ARPIN: variants seen among roughly 807,000 people sequenced by gnomAD.
The protein encoded by ARPIN is UPF0552 protein C15orf38.
ARPIN carries 23 observed loss-of-function variants against 25.9 expected under a neutral mutation model. The ratio of observed to expected loss-of-function variants is 0.89; its 90% CI spans 0.64 to 1.26. ARPIN has a LOEUF of 1.26. ARPIN is among the 50% of genes most tolerant of loss of function. The pLI is 0.00. For synonymous variants in ARPIN, 126 were observed against 131.4 expected, an observed-to-expected ratio of 0.96 and a Z score of 0.28; for missense variants, 333 against 312.2, an observed-to-expected ratio of 1.07 and a Z score of -0.50.
At position 89,901,685 on chromosome 15, in the gene ARPIN, C is replaced by A; in HGVS notation, c.*110G>T. The stretch of plus-strand genomic sequence containing the variant: ...TTCCAAGGTGGCTATGGGGAAGAAC[C>A]AGGTAAGACTTGGCAGACTGTTCTC... On this transcript the variant is annotated 3_prime_UTR_variant, in exon 6 of 6. Transcript: ENST00000357484. The A allele has an allele frequency of 7.4e-7, 1 of 1,348,006 alleles. No homozygotes were observed. Among genetic ancestry groups the A allele is most frequent in the South Asian group, 1.2e-5 (1 of 81,942 alleles). The allele number at this position is 1,348,006 out of a possible 1,614,324, so 83.5% of individuals were successfully genotyped here.
chr15:89,907,137 C>T lies in ARPIN; in HGVS notation c.301+1143G>A, dbSNP rs1338940572. Among the ~76,000 whole-genome samples, 7 of 151,460 alleles carry T rather than the reference C, an allele frequency of 4.6e-5. No homozygotes were observed. In the East Asian group the frequency reaches 5.9e-4, roughly 13 times the overall value. Reference sequence around the variant, plus strand: ...AGGCTGGAGTGCAGTGGTGCAATCTCGGCTCACTGCACCTCCACCTCCTGG... The same window carrying T: ...AGGCTGGAGTGCAGTGGTGCAATCTTGGCTCACTGCACCTCCACCTCCTGG... On this transcript the variant is annotated intron_variant, in intron 3 of 5. Transcript: ENST00000357484.
intron 3 of ARPIN, among the ~76,000 whole-genome samples, chr15:89,907,165 T>G (rs1897135746): frequency 1.3e-5 from 2 of 151,606 alleles, no homozygotes; most frequent in African/African-American, 4.8e-5. Context: ...CCTCCTGGGT[T>G]CAAGTGATTC....
Position 89,910,596 on chromosome 15 carries a change from A to C in ARPIN, c.168+148T>G, listed in dbSNP as rs964493592. ...CAGCTGGTGGTCCCATTTGGCTATA[A>C]ATCTCCTGACCTACTTCCCACTTGC... is the stretch of plus-strand genomic sequence containing the variant. On this transcript the variant is annotated intron_variant, in intron 2 of 5. Transcript: ENST00000357484. The C allele has an allele frequency of 7.7e-6, 7 of 909,506 alleles. No individual in the cohort carries two copies. In the African/African-American group the frequency reaches 1.2e-4, roughly 15 times the overall value. 56.3% of individuals were successfully genotyped at this position (909,506 alleles called of 1,614,324 possible). A position where few individuals can be genotyped will look rare whatever the true frequency, so the allele number is the denominator to read the frequency against.
At chr15:89,912,709 G>C in intron 1 of ARPIN, 35 bp downstream of exon 1, 1 of 1,205,854 alleles carries the variant, frequency 8.3e-7, no homozygotes, top group Non-Finnish European at 1.0e-6. Context: ...GCCGGGGCAG[G>C]GGAGGCCGAC....
intron 2 of ARPIN, among the ~76,000 whole-genome samples, chr15:89,910,275 G>A (rs1352602030): frequency 1.3e-5 from 2 of 152,220 alleles, no homozygotes; most frequent in East Asian, 1.9e-4. Flanking sequence ...GTGGAAAGTC[G>A]GAACTAGCGC....
chr15:89,908,754 C>T (rs1300296996), intron 2 of ARPIN, among the ~76,000 whole-genome samples: 1 of 151,972 alleles, frequency 6.6e-6, no homozygotes, highest in African/African-American at 2.4e-5. Flanking sequence ...GAGGCAGTGG[C>T]GAGTGGATCA....
rs183812585 is a variant in ARPIN, at chr15:89,908,036, T to C, written c.301+244A>G. Among the ~76,000 whole-genome samples, 355 of 152,076 alleles carry C rather than the reference T, an allele frequency of 2.3e-3. 1 individual carries two copies. The highest frequency in any genetic ancestry group is 8.0e-3 in the African/African-American group (330 of 41,452). On this transcript the variant is annotated intron_variant, in intron 3 of 5. Transcript: ENST00000357484. ...CAGGTTTGTGGGTGATTCTGCCAGA[T>C]ACAGGAAATGGCAGGAGGTGGGAAG...
rs1214382768 is a variant in ARPIN at position 89,912,895 on chromosome 15, CG to C, written c.-61del. On this transcript the variant is annotated 5_prime_UTR_variant, in exon 1 of 6. Transcript: ENST00000357484. The stretch of plus-strand genomic sequence containing the variant: ...GGCGCACTGGGCTGGGGGCGCGGCG[CG>C]GGAAGTGCTGCAGGACGCGCGGGGA... 2.7e-6 allele frequency: 4 copies of C among 1,460,994 alleles called. No homozygotes were observed. The highest frequency in any genetic ancestry group is 3.6e-6 in the Non-Finnish European group (4 of 1,113,452). The allele number at this position is 1,460,994 out of a possible 1,614,324, so 90.5% of individuals were successfully genotyped here. A position where few individuals can be genotyped will look rare whatever the true frequency, so the allele number is the denominator to read the frequency against.
intron 2 of ARPIN, among the ~76,000 whole-genome samples, chr15:89,909,967 C>G (rs1897194481): frequency 6.6e-6 from 1 of 152,192 alleles, no homozygotes; most frequent in South Asian, 2.1e-4. Context: ...ATGAGGCAAG[C>G]AAGCCCCACA....
At chr15:89,910,261 G>A (rs922888419) in intron 2 of ARPIN, among the ~76,000 whole-genome samples, 1 of 152,272 alleles carries the variant, frequency 6.6e-6, no homozygotes, top group South Asian at 2.1e-4. Flanking sequence ...TATTTGAAGG[G>A]GGAGTGGAAA....
intron 1 of ARPIN, 82 bp downstream of exon 1, chr15:89,912,662 A>AGGGGGGGGCC: frequency 3.0e-6 from 2 of 661,662 alleles, no homozygotes; most frequent in East Asian, 1.3e-4. Context: ...CCCCACCCGC[A>AGGGGGGGGCC]TCCCACCCCC....
Position 89,910,798 on chromosome 15 carries a change from C to A in ARPIN, c.114G>T (p.Glu38Asp). The change falls in exon 2 of 6, where the codon GAG becomes GAT. Residue 38 changes from glutamate (E) to aspartate (D), a missense_variant. By Grantham distance (45) the Glu-to-Asp change is conservative. Transcript: ENST00000357484. ...GCCGAGATACATCGATCAGTTCTCCCTCCAGCAGGACACCATTTCCCCTGG... is the reference window on the plus strand; with the variant it reads ...GCCGAGATACATCGATCAGTTCTCCATCCAGCAGGACACCATTTCCCCTGG... ...AHQGGNGVLLEGELIDVSRHS... is the reference protein window; with the variant it reads ...AHQGGNGVLLDGELIDVSRHS... The A allele has an allele frequency of 6.2e-7, 1 of 1,614,140 alleles. No homozygotes were observed. The highest frequency in any genetic ancestry group is 8.5e-7 in the Non-Finnish European group (1 of 1,180,008).
Position 89,903,298 on chromosome 15 carries a change from T to C in ARPIN, c.590A>G (p.Asp197Gly). ...GDGKTGASWT[D>G]NIMAQKCSKG... ...CGAACACTTTTGGGCCATGATGTTG[T>C]CTGTCCAGGATGCCCCTGTCTTTCC... The change falls in exon 5 of 6, where the codon GAC (aspartate) becomes GGC (glycine). Residue 197 changes from aspartate to glycine, a missense_variant. Physicochemically the swap from Asp to Gly is moderately conservative, Grantham distance 94 (BLOSUM62 -1). Transcript: ENST00000357484. 2 of 1,614,228 alleles carry C rather than the reference T, an allele frequency of 1.2e-6. No individual in the cohort carries two copies. Among genetic ancestry groups the C allele is most frequent in the Non-Finnish European group, 1.7e-6 (2 of 1,180,036 alleles).
chr15:89,908,937 C>T (rs1369310334), intron 2 of ARPIN, among the ~76,000 whole-genome samples: 1 of 152,106 alleles, frequency 6.6e-6, no homozygotes, highest in Non-Finnish European at 1.5e-5. Context: ...AAGCCGAGAT[C>T]CTGCCACTGT....
In ARPIN at chr15:89,912,883, G is replaced by GGGGGCGCGGCGCGGGAAGTGCTGC. The variant is rs1422932667; in HGVS notation, c.-72_-49dup. 234 of 1,478,366 alleles carry GGGGGCGCGGCGCGGGAAGTGCTGC rather than the reference G, an allele frequency of 1.6e-4. No individual in the cohort carries two copies. The highest frequency in any genetic ancestry group is 1.9e-4 in the Non-Finnish European group (217 of 1,121,394). 91.6% of individuals were successfully genotyped at this position (1,478,366 alleles called of 1,614,324 possible). ...CGGCACAGAGCCGGCGCACTGGGCT[G>GGGGGCGCGGCGCGGGAAGTGCTGC]GGGGCGCGGCGCGGGAAGTGCTGCA... On this transcript the variant is annotated 5_prime_UTR_variant, in exon 1 of 6. Coordinates refer to ENST00000357484, the MANE Select transcript of ARPIN (RefSeq NM_182616.4).
In ARPIN at chr15:89,908,261, G is replaced by C; in HGVS notation, c.301+19C>G. On this transcript the variant is annotated intron_variant, in intron 3 of 5. Transcript: ENST00000357484. ...GCAGGAGGGCCCTGAGGGAGAGAGG[G>C]AGGGCAGAGGATACCTACTGTAGGA... The C allele has an allele frequency of 1.2e-6, 2 of 1,613,846 alleles. No homozygotes were observed. The highest frequency in any genetic ancestry group is 1.7e-6 in the Non-Finnish European group (2 of 1,179,810).
chr15:89,905,116 A>C (rs1423094590), intron 3 of ARPIN, among the ~76,000 whole-genome samples: 1 of 150,308 alleles, frequency 6.7e-6, no homozygotes, highest in Non-Finnish European at 1.5e-5. Context: ...CTACCTCCTG[A>C]GTTTGAGCAA....
At chr15:89,904,951 C>G (rs377396278) in intron 3 of ARPIN, among the ~76,000 whole-genome samples, 1 of 152,062 alleles carries the variant, frequency 6.6e-6, no homozygotes, top group African/African-American at 2.4e-5. Context: ...GACAGAGCAT[C>G]TCACTTTCTT....
At chr15:89,903,513 G>C (rs1897061990) in intron 4 of ARPIN, 134 bp from the exon 5 acceptor site, 3 of 1,461,272 alleles carry the variant, frequency 2.1e-6, no homozygotes, top group Admixed American at 4.3e-5. Context: ...TGGTCAATGA[G>C]CCCCTGGGTG....
Sources: allele counts gnomAD v4.1 joint callset (sites outside exome capture counted in the v4.1 genomes callset), GRCh38; gene constraint gnomAD v4.1.1; transcripts MANE v1.5; gene names NCBI Gene and HGNC (gene_info 2026-07-23, HGNC 2026-07-21).